Variants in IL31RA observed in about 807,000 individuals in gnomAD.
IL31RA encodes the protein interleukin 31 receptor A, also known as interleukin-31 receptor subunit alpha.
IL31RA carries 66 observed loss-of-function variants against 83.7 expected under a neutral mutation model. The observed-to-expected ratio is 0.79, with a 90% confidence interval of 0.65 to 0.97. IL31RA has a LOEUF of 0.97. Ranked by LOEUF, IL31RA falls within the 50% of genes least tolerant of loss-of-function variation. The probability of loss-of-function intolerance (pLI) is 0.00; values close to 1 mark genes in which losing one functional copy is unlikely to be tolerated. For missense variants in IL31RA, 798 were observed against 919.4 expected, an observed-to-expected ratio of 0.87 and a Z score of 1.71; for synonymous variants, 325 against 329.0, an observed-to-expected ratio of 0.99 and a Z score of 0.13.
At chr5:55,914,074 C>A (rs1749651867) in intron 13 of IL31RA, among the ~76,000 whole-genome samples, 1 of 152,186 alleles carries the variant, frequency 6.6e-6, no homozygotes, top group African/African-American at 2.4e-5. Context: ...AACCTGCTTG[C>A]CCTGGCCACT....
rs1357483301 is a variant in IL31RA, at chr5:55,851,505, A to G, written c.-66A>G. 12 of 1,613,598 alleles carry G rather than the reference A, an allele frequency of 7.4e-6. No individual in the cohort carries two copies. In the African/African-American group the frequency reaches 1.2e-4, roughly 16 times the overall value. Reference sequence around the variant, plus strand: ...GGCACTAAATAGACCATGAAAAGACATGTGTGTGCAGTATGAAAATTGAGA... The same window carrying G: ...GGCACTAAATAGACCATGAAAAGACGTGTGTGTGCAGTATGAAAATTGAGA... On this transcript the variant is annotated 5_prime_UTR_variant, in exon 1 of 15. The change abolishes an upstream ATG in the 5' untranslated region. Coordinates refer to ENST00000652347, the MANE Select transcript of IL31RA (RefSeq NM_139017.7).
At chr5:55,881,195 G>A (rs1233849423) in intron 4 of IL31RA, among the ~76,000 whole-genome samples, 2 of 151,970 alleles carry the variant, frequency 1.3e-5, no homozygotes, top group Non-Finnish European at 2.9e-5. Flanking sequence ...CCAGCTACTA[G>A]GGGGGCTGAG....
Position 55,908,930 on chromosome 5 carries a change from G to A in IL31RA, c.1501+519G>A, listed in dbSNP as rs539942639. ...TTTTCCAGTTTAAACATTTGAAAGT[G>A]TACAATTTAGTGGCATTAGAAGCAT... On this transcript the variant is annotated intron_variant, in intron 11 of 14. Coordinates refer to ENST00000652347, the MANE Select transcript of IL31RA (RefSeq NM_139017.7). 61 of 1,145,968 alleles carry A rather than the reference G, an allele frequency of 5.3e-5. No individual in the cohort carries two copies. In the South Asian group the frequency reaches 1.5e-3, roughly 28 times the overall value. 71.0% of individuals were successfully genotyped at this position (1,145,968 alleles called of 1,614,324 possible). A position where few individuals can be genotyped will look rare whatever the true frequency, so the allele number is the denominator to read the frequency against.
rs1745065847 is a variant in IL31RA, at chr5:55,851,489, T to C, written c.-82T>C. The C allele has an allele frequency of 2.3e-5, 37 of 1,613,042 alleles. 1 individual carries two copies. The South Asian group carries it at 3.3e-4, about 14-fold the overall frequency. On this transcript the variant is annotated 5_prime_UTR_variant, in exon 1 of 15. Coordinates refer to ENST00000652347, the MANE Select transcript of IL31RA (RefSeq NM_139017.7). The stretch of plus-strand genomic sequence containing the variant: ...TAGTAATAACCAGCATGGCACTAAA[T>C]AGACCATGAAAAGACATGTGTGTGC...
At chr5:55,908,928 G>A (rs889942573) in intron 11 of IL31RA, 2 of 1,179,482 alleles carry the variant, frequency 1.7e-6, no homozygotes, top group African/African-American at 3.1e-5. Flanking sequence ...ACATTTGAAA[G>A]TGTACAATTT....
chr5:55,908,005 A>G (rs935019437), intron 10 of IL31RA, among the ~76,000 whole-genome samples: 2 of 152,238 alleles, frequency 1.3e-5, no homozygotes, highest in Non-Finnish European at 2.9e-5. Flanking sequence ...ATATGAATGA[A>G]AAAGCTGGGT....
At chr5:55,875,894 T>C (rs1746815729) in intron 4 of IL31RA, among the ~76,000 whole-genome samples, 1 of 152,126 alleles carries the variant, frequency 6.6e-6, no homozygotes, top group South Asian at 2.1e-4. Flanking sequence ...AGAAACTCTG[T>C]TTTTATAATA....
chr5:55,900,187 G>C, intron 8 of IL31RA, 55 bp downstream of exon 8: 1 of 1,286,198 alleles, frequency 7.8e-7, no homozygotes. Context: ...ATTGGCCAAG[G>C]AGCAGTCCCT....
chr5:55,885,191 C>G (rs1747507118), intron 5 of IL31RA, among the ~76,000 whole-genome samples: 1 of 152,104 alleles, frequency 6.6e-6, no homozygotes, highest in Non-Finnish European at 1.5e-5. Context: ...GCGACCCTTT[C>G]CCTTGTGGAA....
chr5:55,863,416 G>A (rs186009895), intron 2 of IL31RA, among the ~76,000 whole-genome samples: 2 of 152,320 alleles, frequency 1.3e-5, no homozygotes, highest in East Asian at 1.9e-4. Context: ...GTAAGCAGGG[G>A]CTCAGGCTGG....
the IL31RA span, among the ~76,000 whole-genome samples, chr5:55,842,583 C>T: frequency 6.6e-6 from 1 of 152,228 alleles, no homozygotes; most frequent in African/African-American, 2.4e-5. Flanking sequence ...CAGGGACTCA[C>T]ATCCCTTAGG....
chr5:55,848,727 A>G (rs1173981187), upstream of IL31RA, among the ~76,000 whole-genome samples: 1 of 152,142 alleles, frequency 6.6e-6, no homozygotes, highest in African/African-American at 2.4e-5. Flanking sequence ...TGCTTTTACT[A>G]TGTTTTCCAC....
At chr5:55,856,804 C>T (rs927528807) in intron 1 of IL31RA, among the ~76,000 whole-genome samples, 2 of 152,140 alleles carry the variant, frequency 1.3e-5, no homozygotes, top group Non-Finnish European at 2.9e-5. Context: ...TAAAAACTGC[C>T]AACTTCTGTC....
upstream of IL31RA, chr5:55,851,297 C>G (rs779267973): frequency 2.5e-5 from 13 of 516,130 alleles, no homozygotes; most frequent in Non-Finnish European, 4.6e-5. Context: ...TGGCTAATAA[C>G]AGTACTATGA....
At chr5:55,895,492 C>CAGGTT in intron 6 of IL31RA, among the ~76,000 whole-genome samples, 1 of 152,182 alleles carries the variant, frequency 6.6e-6, no homozygotes, top group East Asian at 1.9e-4. Context: ...GTTAGATCAT[C>CAGGTT]AGAAGCCTGT....
At chr5:55,847,203 A>C (rs1744944758), upstream of IL31RA, among the ~76,000 whole-genome samples, 1 of 148,450 alleles carries the variant, frequency 6.7e-6, no homozygotes, top group African/African-American at 2.5e-5. Flanking sequence ...AGATCATGCC[A>C]CTGCACTCCA....
rs750077542 is a variant in IL31RA at position 55,908,354 on chromosome 5, A to G, written c.1444A>G (p.Lys482Glu). The G allele has an allele frequency of 5.6e-6, 9 of 1,614,088 alleles. No individual in the cohort carries two copies. The highest frequency in any genetic ancestry group is 1.3e-5 in the African/African-American group (1 of 74,922). ...GAAAGAGATTCCCAAGAGTGAGAGAAAGGGTATCATCTGCAACTACACCAT... is the reference window on the plus strand; with the variant it reads ...GAAAGAGATTCCCAAGAGTGAGAGAGAGGGTATCATCTGCAACTACACCAT... ...TWKEIPKSER[K>E]GIICNYTIFY... Residue 482 changes from lysine (K) to glutamate (E), a missense_variant, in exon 11 of 15, where the codon AAG becomes GAG. By Grantham distance (56) the Lys-to-Glu change is moderately conservative. Transcript: ENST00000652347.
chr5:55,885,406 A>G (rs1255306911), intron 5 of IL31RA, among the ~76,000 whole-genome samples: 17 of 152,206 alleles, frequency 1.1e-4, no homozygotes, highest in Admixed American at 1.1e-3. Context: ...AAAAGAGAAA[A>G]AAATTCTCAG....
At chr5:55,879,417 T>G (rs1292267695) in intron 4 of IL31RA, among the ~76,000 whole-genome samples, 2 of 137,014 alleles carry the variant, frequency 1.5e-5, no homozygotes, top group Admixed American at 7.6e-5. Flanking sequence ...GTTCAGCCAG[T>G]TTCTGTCCTT....
Sources: allele counts gnomAD v4.1 joint callset (sites outside exome capture counted in the v4.1 genomes callset), GRCh38; gene constraint gnomAD v4.1.1; transcripts MANE v1.5; gene names NCBI Gene and HGNC (gene_info 2026-07-23, HGNC 2026-07-21).